Variants in SBF2 observed in about 807,000 individuals in gnomAD.
SBF2 encodes myotubularin-related protein 13.
SBF2 carries 112 observed loss-of-function variants against 225.2 expected under a neutral mutation model. That is an observed-to-expected ratio of 0.50 (90% confidence interval 0.43 to 0.58). The LOEUF (loss-of-function observed/expected upper bound fraction) is 0.58, where lower values mean the gene tolerates loss of function less well. SBF2 is among the 20% of genes least tolerant of loss of function. SBF2 has a pLI of 0.00. For missense variants in SBF2, 1,996 were observed against 2,206.2 expected, an observed-to-expected ratio of 0.90 and a Z score of 1.91; for synonymous variants, 763 against 773.3, an observed-to-expected ratio of 0.99 and a Z score of 0.22.
intron 16 of SBF2, among the ~76,000 whole-genome samples, chr11:9,940,129 C>T (rs151184899): frequency 1.5e-4 from 23 of 152,260 alleles, no homozygotes; most frequent in African/African-American, 5.1e-4. Context: ...TAAGGCCGGG[C>T]GCGGTGGCTC....
At chr11:10,007,591 T>A (rs1948252482) in intron 6 of SBF2, among the ~76,000 whole-genome samples, 1 of 152,074 alleles carries the variant, frequency 6.6e-6, no homozygotes, top group Admixed American at 6.6e-5. Flanking sequence ...GTAAAATGGA[T>A]CTAGTGATGA....
intron 1 of SBF2, among the ~76,000 whole-genome samples, chr11:10,264,748 C>T (rs780890894): frequency 2.6e-5 from 4 of 151,356 alleles, no homozygotes; most frequent in Non-Finnish European, 5.9e-5. Context: ...CCCCACCCCC[C>T]GACAGGCCCT....
Position 9,787,746 on chromosome 11 carries a change from G to T in SBF2, c.4933-8C>A. ...CTCCAATTTTTCAATTTCCTGCAAAGAAATTAAAAGTTTTCTGATCAGTAT... is the reference window on the plus strand; with the variant it reads ...CTCCAATTTTTCAATTTCCTGCAAATAAATTAAAAGTTTTCTGATCAGTAT... On this transcript the variant is annotated splice_region_variant and splice_polypyrimidine_tract_variant and intron_variant, in intron 35 of 39. Coordinates refer to ENST00000256190, the MANE Select transcript of SBF2 (RefSeq NM_030962.4). The T allele has an allele frequency of 6.2e-7, 1 of 1,611,680 alleles. No individual in the cohort carries two copies. Among genetic ancestry groups the T allele is most frequent in the Non-Finnish European group, 8.5e-7 (1 of 1,177,796 alleles).
chr11:10,146,866 G>A (rs904675085), intron 2 of SBF2, among the ~76,000 whole-genome samples: 4 of 151,518 alleles, frequency 2.6e-5, no homozygotes, highest in East Asian at 3.9e-4. Context: ...ACTTAAATTT[G>A]CAAGAAAAAA....
intron 14 of SBF2, among the ~76,000 whole-genome samples, chr11:9,964,784 G>A (rs1169255348): frequency 6.6e-6 from 1 of 152,012 alleles, no homozygotes; most frequent in Non-Finnish European, 1.5e-5. Flanking sequence ...ATATTAGAAG[G>A]ATATAAATGA....
Position 9,895,993 on chromosome 11 carries a change from C to A in SBF2, c.1879G>T (p.Glu627Ter), listed in dbSNP as rs1433023728. The A allele has an allele frequency of 8.1e-6, 13 of 1,612,992 alleles. No individual in the cohort carries two copies. The highest frequency in any genetic ancestry group is 1.1e-5 in the Non-Finnish European group (13 of 1,179,350). Residue 627 changes from glutamate to a stop codon, truncating the protein, a stop_gained, in exon 17 of 40, where the codon GAA (glutamate) becomes TAA (stop). Transcript: ENST00000256190. LOFTEE classifies it high-confidence loss of function. Reference protein sequence around the residue: ...CTLQDCSSLEEYNIAAALLPL... With the variant: ...CTLQDCSSLE The stretch of plus-strand genomic sequence containing the variant: ...AGTAATGCTGCGGCAATGTTGTATT[C>A]TTCTAAACTTGAACAATCCTTTAAG...
At chr11:10,289,112 G>A (rs1316304092) in intron 1 of SBF2, among the ~76,000 whole-genome samples, 1 of 152,202 alleles carries the variant, frequency 6.6e-6, no homozygotes, top group Non-Finnish European at 1.5e-5. Flanking sequence ...GTGTGTCAGC[G>A]CTGACCTAAG....
chr11:9,993,132 A>G (rs755154183), intron 10 of SBF2, 29 bp from the exon 11 acceptor site: 13 of 1,527,786 alleles, frequency 8.5e-6, no homozygotes, highest in Admixed American at 8.4e-5. Flanking sequence ...ATGTTAGGTA[A>G]TTTAACTTTT....
intron 2 of SBF2, among the ~76,000 whole-genome samples, chr11:10,135,685 T>C (rs1954312819): frequency 6.6e-6 from 1 of 152,206 alleles, no homozygotes; most frequent in African/African-American, 2.4e-5. Flanking sequence ...TTTGCTCCAG[T>C]TCCCAATAAG....
intron 2 of SBF2, among the ~76,000 whole-genome samples, chr11:10,101,259 G>A (rs973141412): frequency 7.2e-5 from 11 of 152,090 alleles, no homozygotes; most frequent in Non-Finnish European, 1.5e-4. Context: ...ATCCCTCCCC[G>A]CCTGGAGTGA....
At chr11:9,959,872 T>G in intron 16 of SBF2, 1 of 466,986 alleles carries the variant, frequency 2.1e-6, no homozygotes, top group Non-Finnish European at 4.2e-6. Flanking sequence ...GGGAGGCCAC[T>G]GTGCGCTCAG....
At chr11:10,096,959 A>G (rs1402747391) in intron 2 of SBF2, among the ~76,000 whole-genome samples, 1 of 152,226 alleles carries the variant, frequency 6.6e-6, no homozygotes, top group Non-Finnish European at 1.5e-5. Context: ...ACACATTTAC[A>G]CTATTCAGTC....
upstream of SBF2, among the ~76,000 whole-genome samples, chr11:10,296,320 C>A (rs1017978543): frequency 2.0e-5 from 3 of 152,068 alleles, no homozygotes; most frequent in Non-Finnish European, 4.4e-5. Context: ...TAAAGACATA[C>A]CCGAGACTAG....
intron 30 of SBF2, among the ~76,000 whole-genome samples, chr11:9,812,135 A>G (rs1854222803): frequency 6.6e-6 from 1 of 152,114 alleles, no homozygotes; most frequent in Non-Finnish European, 1.5e-5. Context: ...ATAGGCAGAC[A>G]AATGAAAGGT....
At chr11:9,849,423 G>A (rs1856770865) in intron 22 of SBF2, among the ~76,000 whole-genome samples, 1 of 152,198 alleles carries the variant, frequency 6.6e-6, no homozygotes, top group Non-Finnish European at 1.5e-5. Flanking sequence ...AATTTAAGAA[G>A]ATAATGTAGA....
At chr11:10,039,528 T>C (rs1204946037) in intron 3 of SBF2, among the ~76,000 whole-genome samples, 1 of 151,990 alleles carries the variant, frequency 6.6e-6, no homozygotes, top group African/African-American at 2.4e-5. Context: ...GAAAAACTGA[T>C]ATGAAGCAGA....
chr11:10,028,768 T>C (rs1053974835), intron 5 of SBF2, among the ~76,000 whole-genome samples: 2 of 152,190 alleles, frequency 1.3e-5, no homozygotes, highest in African/African-American at 4.8e-5. Context: ...GTTGAAAATC[T>C]AGTAGAGATA....
chr11:10,172,967 C>T (rs1433178857), intron 2 of SBF2, among the ~76,000 whole-genome samples: 1 of 152,178 alleles, frequency 6.6e-6, no homozygotes, highest in African/African-American at 2.4e-5. Flanking sequence ...CGTGCCTGGC[C>T]TTAATTTCCT....
intron 1 of SBF2, among the ~76,000 whole-genome samples, chr11:10,266,811 G>A (rs1297624650): frequency 1.3e-5 from 2 of 152,190 alleles, no homozygotes; most frequent in East Asian, 1.9e-4. Context: ...AAGAGGGTCC[G>A]GGCGTGGTTG....
Sources: allele counts gnomAD v4.1 joint callset (sites outside exome capture counted in the v4.1 genomes callset), GRCh38; gene constraint gnomAD v4.1.1; transcripts MANE v1.5; gene names NCBI Gene and HGNC (gene_info 2026-07-23, HGNC 2026-07-21).